PCDHGA9: variants seen among roughly 807,000 people sequenced by gnomAD.
PCDHGA9 encodes protocadherin gamma-A9.
PCDHGA9 carries 37 observed loss-of-function variants against 62.5 expected under a neutral mutation model. The ratio of observed to expected loss-of-function variants is 0.59; its 90% confidence interval spans 0.46 to 0.78. The LOEUF is 0.78. Ranked by LOEUF, PCDHGA9 falls within the 30% of genes least tolerant of loss-of-function variation. The pLI, the probability that PCDHGA9 is intolerant of heterozygous loss-of-function variation, is 0.00. For synonymous variants in PCDHGA9, 459 were observed against 484.6 expected (o/e 0.95, Z 0.69); for missense variants, 1,138 against 1,166.2 (o/e 0.98, Z 0.35).
intron 1 of PCDHGA9, among the ~76,000 whole-genome samples, chr5:141,453,101 T>TTTTTG (rs879618609): frequency 3.2e-4 from 49 of 152,130 alleles, no homozygotes; most frequent in Middle Eastern, 6.8e-3. Flanking sequence ...TTCTGTTGCT[T>TTTTTG]TTTTGTTTTG....
chr5:141,421,051 A>G (rs1330155141), intron 1 of PCDHGA9: 8 of 559,830 alleles, frequency 1.4e-5, no homozygotes, highest in South Asian at 2.6e-5. Flanking sequence ...CCCCGCCTCT[A>G]CCACACAAAG....
In PCDHGA9 at chr5:141,489,663, C is replaced by T. The variant is rs1183544696; in HGVS notation, c.2425-5144C>T. The T allele has an allele frequency of 1.9e-6, 3 of 1,614,048 alleles. No individual in the cohort carries two copies. The highest frequency in any genetic ancestry group is 2.2e-5 in the South Asian group (2 of 91,094). ...TTGCCACCCCTGAGCGAGAGATGCGCATCTCAGAATCAGCAGCATCTGGGG... is the reference window on the plus strand; with the variant it reads ...TTGCCACCCCTGAGCGAGAGATGCGTATCTCAGAATCAGCAGCATCTGGGG... On this transcript the variant is annotated intron_variant, in intron 1 of 3. Coordinates refer to ENST00000573521, the MANE Select transcript of PCDHGA9 (RefSeq NM_018921.3). This position sits in a 1 kb window ranked among gnomAD's most constrained non-coding sequence, Gnocchi z 4.5.
chr5:141,478,358 C>G, intron 1 of PCDHGA9: 1 of 1,613,738 alleles, frequency 6.2e-7, no homozygotes, highest in South Asian at 1.1e-5. Flanking sequence ...GGACGCCGTG[C>G]GGGGAGGCCT....
chr5:141,433,140 CAGGTGATTCGGTATTTTCTAAAG>C (rs2097570930), intron 1 of PCDHGA9: 1 of 1,613,948 alleles, frequency 6.2e-7, no homozygotes, highest in Non-Finnish European at 8.5e-7. Flanking sequence ...CTTTTGCTGT[CAGGTGATTCGGTATTTTCTAAAG>C]ACAGTCATGG....
chr5:141,432,276 C>G lies in PCDHGA9; in HGVS notation c.2424+26900C>G, dbSNP rs747589363. ...GGGGCAAGCCTATCGTCCTACGTGT[C>G]CATCAACTCCGACACTGGGGTACTG... On this transcript the variant is annotated intron_variant, in intron 1 of 3. Transcript: ENST00000573521. The surrounding 1 kb of genome is among the most constrained non-coding windows in gnomAD (Gnocchi z 6.0). 6.2e-7 allele frequency: 1 copy of G among 1,614,236 alleles called. No homozygotes were observed. Among genetic ancestry groups the G allele is most frequent in the Non-Finnish European group, 8.5e-7 (1 of 1,180,044 alleles).
intron 1 of PCDHGA9, among the ~76,000 whole-genome samples, chr5:141,472,352 T>G (rs1364883510): frequency 6.6e-6 from 1 of 151,718 alleles, no homozygotes; most frequent in Non-Finnish European, 1.5e-5. Context: ...CCATCCTGGC[T>G]AACACGGTGA....
At chr5:141,508,383 T>C (rs1169318572) in intron 3 of PCDHGA9, 1 of 152,236 alleles carries the variant, frequency 6.6e-6, no homozygotes, top group Non-Finnish European at 1.5e-5. Flanking sequence ...CTCAGATTTA[T>C]AGATGGGAAA....
At chr5:141,450,829 A>ATTAT (rs1554136902) in intron 1 of PCDHGA9, among the ~76,000 whole-genome samples, 14 of 135,142 alleles carry the variant, frequency 1.0e-4, no homozygotes, top group African/African-American at 3.3e-4. Context: ...TATTATTATT[A>ATTAT]TTTTTTTTTT....
At position 141,477,748 on chromosome 5, in the gene PCDHGA9, C is replaced by T; in HGVS notation, c.2425-17059C>T. ...CAGCTCATATCAGCGATGGGGGCAC[C>T]CCGGTCCTAGCCACCAACATCAGCG... On this transcript the variant is annotated intron_variant, in intron 1 of 3. Transcript: ENST00000573521. The surrounding 1 kb of genome is among the most constrained non-coding windows in gnomAD (Gnocchi z 4.9). 6.2e-7 allele frequency: 1 copy of T among 1,613,872 alleles called. No homozygotes were observed. The highest frequency in any genetic ancestry group is 1.1e-5 in the South Asian group (1 of 91,080).
rs1289898516 is a variant in PCDHGA9 at position 141,487,019 on chromosome 5, C to G, written c.2425-7788C>G. ...CTATCAGCTCCTGGAGGCCCCAGAT[C>G]CCAGCCTGTTTGCAGTCTCTCGATA... On this transcript the variant is annotated intron_variant, in intron 1 of 3. Transcript: ENST00000573521. The surrounding 1 kb of genome is among the most constrained non-coding windows in gnomAD (Gnocchi z 5.0). 1 of 1,614,204 alleles carries G rather than the reference C, an allele frequency of 6.2e-7. No homozygotes were observed. The highest frequency in any genetic ancestry group is 8.5e-7 in the Non-Finnish European group (1 of 1,180,042).
chr5:141,410,841 G>GT, intron 1 of PCDHGA9: 1 of 214,604 alleles, frequency 4.7e-6, no homozygotes, highest in Non-Finnish European at 7.8e-6. Context: ...AAGATATTTT[G>GT]TCTTTGTCTT....
chr5:141,494,198 C>T (rs1383940298), intron 1 of PCDHGA9, among the ~76,000 whole-genome samples: 8 of 152,158 alleles, frequency 5.3e-5, no homozygotes, highest in African/African-American at 1.7e-4. Context: ...TTGGATGCCC[C>T]GCAAAGGCCC....
chr5:141,503,367 C>T (rs1038565489), intron 2 of PCDHGA9, among the ~76,000 whole-genome samples: 5 of 151,908 alleles, frequency 3.3e-5, no homozygotes, highest in African/African-American at 9.7e-5. Flanking sequence ...GAAGCGGAGG[C>T]AGGTGGATCA....
In PCDHGA9 at chr5:141,486,143, G is replaced by T; in HGVS notation, c.2425-8664G>T. On this transcript the variant is annotated intron_variant, in intron 1 of 3. Coordinates refer to ENST00000573521, the MANE Select transcript of PCDHGA9 (RefSeq NM_018921.3). This position sits in a 1 kb window ranked among gnomAD's most constrained non-coding sequence, Gnocchi z 5.0. ...CTATGAATTTGATGTGCGGGCTCGC[G>T]ATGGGGGTTCTCCAGCCATGGAGCA... 6.2e-7 allele frequency: 1 copy of T among 1,614,198 alleles called. No homozygotes were observed. Among genetic ancestry groups the T allele is most frequent in the Non-Finnish European group, 8.5e-7 (1 of 1,180,030 alleles).
rs758266181 is a variant in PCDHGA9 at position 141,476,561 on chromosome 5, G to A, written c.2425-18246G>A. 1.9e-6 allele frequency: 3 copies of A among 1,614,100 alleles called. No homozygotes were observed. The highest frequency in any genetic ancestry group is 2.5e-6 in the Non-Finnish European group (3 of 1,180,050). Reference sequence around the variant, plus strand: ...GAAATTGGAGATTAGCGAGGCCGTGGCTCCGGGGACGCGCTTTCCGCTCGA... The same window carrying A: ...GAAATTGGAGATTAGCGAGGCCGTGACTCCGGGGACGCGCTTTCCGCTCGA... On this transcript the variant is annotated intron_variant, in intron 1 of 3. Coordinates refer to ENST00000573521, the MANE Select transcript of PCDHGA9 (RefSeq NM_018921.3). This position sits in a 1 kb window ranked among gnomAD's most constrained non-coding sequence, Gnocchi z 7.6.
intron 1 of PCDHGA9, chr5:141,414,010 G>A (rs1308472085): frequency 1.2e-6 from 2 of 1,612,990 alleles, no homozygotes; most frequent in Non-Finnish European, 1.7e-6. Flanking sequence ...AGGTGCCAAT[G>A]GAGAAGTGAC....
chr5:141,481,071 A>G (rs887828386), intron 1 of PCDHGA9, among the ~76,000 whole-genome samples: 19 of 152,172 alleles, frequency 1.2e-4, no homozygotes, highest in African/African-American at 4.6e-4. Context: ...AACAAAAAGA[A>G]AGAAAGAAAA....
At chr5:141,418,917 C>T in intron 1 of PCDHGA9, 1 of 1,613,988 alleles carries the variant, frequency 6.2e-7, no homozygotes, top group Non-Finnish European at 8.5e-7. Context: ...ACGTCACTCT[C>T]TGATCAGATT....
In PCDHGA9 at chr5:141,408,231, G is replaced by A. The variant is rs775180708; in HGVS notation, c.2424+2855G>A. On this transcript the variant is annotated intron_variant, in intron 1 of 3. Coordinates refer to ENST00000573521, the MANE Select transcript of PCDHGA9 (RefSeq NM_018921.3). ...GGAGGGAGCTGCGCGCAGAGGCGCC[G>A]GGCCGGCCCGCGGCAGGTGCTATTT... 5 of 1,567,976 alleles carry A rather than the reference G, an allele frequency of 3.2e-6. No individual in the cohort carries two copies. In the African/African-American group the frequency reaches 5.4e-5, roughly 17 times the overall value.
Sources: gnomAD v4.1 joint callset for allele counts (sites outside exome capture counted in the v4.1 genomes callset) on GRCh38, gnomAD v4.1.1 for gene constraint, Gnocchi (gnomAD v3.1) non-coding constraint, MANE v1.5 for transcripts, NCBI Gene and HGNC (gene_info 2026-07-23, HGNC 2026-07-21) for gene names.